Variants in LRMDA observed in about 807,000 individuals in gnomAD.
LRMDA encodes leucine rich melanocyte differentiation associated.
A neutral mutation model predicts 29.8 loss-of-function variants in LRMDA; 18 were observed. That is an observed-to-expected ratio of 0.60 (90% CI 0.42 to 0.90). The LOEUF (loss-of-function observed/expected upper bound fraction) is 0.90. Ranked by LOEUF, LRMDA falls within the 40% of genes least tolerant of loss-of-function variation. The pLI is 0.00. For missense variants in LRMDA, 273 were observed against 273.9 expected (o/e 1.00, Z 0.02); for synonymous variants, 125 against 109.4 (o/e 1.14, Z -0.89).
intron 2 of LRMDA, among the ~76,000 whole-genome samples, chr10:75,661,451 A>G (rs1340875413): frequency 6.6e-6 from 1 of 152,174 alleles, no homozygotes. Context: ...GGACTTGAGA[A>G]TCTACATCTC....
At chr10:76,394,641 T>C (rs1841761702) in intron 6 of LRMDA, among the ~76,000 whole-genome samples, 1 of 152,180 alleles carries the variant, frequency 6.6e-6, no homozygotes, top group African/African-American at 2.4e-5. Flanking sequence ...AATACTTGTC[T>C]ATGTGATCAA....
intron 2 of LRMDA, among the ~76,000 whole-genome samples, chr10:75,823,686 GT>G (rs1844202345): frequency 1.8e-4 from 1 of 5,506 alleles, no homozygotes; most frequent in African/African-American, 5.9e-4. Context: ...TTAAAATGTA[GT>G]GTGTGTGTGT....
At chr10:75,877,981 C>T (rs1375811372) in intron 2 of LRMDA, among the ~76,000 whole-genome samples, 3 of 152,160 alleles carry the variant, frequency 2.0e-5, no homozygotes, top group Admixed American at 6.5e-5. Flanking sequence ...TTCTTTGATG[C>T]CCTGCTGCTG....
intron 2 of LRMDA, among the ~76,000 whole-genome samples, chr10:75,599,176 C>T (rs745536513): frequency 2.6e-5 from 4 of 152,102 alleles, no homozygotes; most frequent in Non-Finnish European, 5.9e-5. Context: ...GCTAAAAAGT[C>T]TGCAGAGAGT....
At chr10:76,030,984 G>T (rs1173051048) in intron 2 of LRMDA, among the ~76,000 whole-genome samples, 1 of 152,196 alleles carries the variant, frequency 6.6e-6, no homozygotes, top group African/African-American at 2.4e-5. Flanking sequence ...GCTGCCGTGT[G>T]CCAGGCACTG....
intron 2 of LRMDA, among the ~76,000 whole-genome samples, chr10:75,668,260 G>T (rs1841847798): frequency 6.6e-6 from 1 of 152,184 alleles, no homozygotes; most frequent in Non-Finnish European, 1.5e-5. Context: ...CTTACTGTGG[G>T]CTGCATCTGT....
chr10:76,465,592 G>A (rs1380345692), intron 6 of LRMDA, among the ~76,000 whole-genome samples: 5 of 152,134 alleles, frequency 3.3e-5, no homozygotes, highest in East Asian at 3.8e-4. Flanking sequence ...TGTTTTGTAC[G>A]ACCACTCCTG....
chr10:75,710,047 T>C (rs1842417751), intron 2 of LRMDA, among the ~76,000 whole-genome samples: 1 of 152,246 alleles, frequency 6.6e-6, no homozygotes, highest in Non-Finnish European at 1.5e-5. Context: ...CAGAAGCTGC[T>C]TGTCACTTTG....
intron 5 of LRMDA, among the ~76,000 whole-genome samples, chr10:76,142,648 T>A (rs1443172457): frequency 6.6e-6 from 1 of 150,662 alleles, no homozygotes; most frequent in Non-Finnish European, 1.5e-5. Context: ...AGTGCAACAG[T>A]TTATTCTCCA....
At chr10:76,103,768 C>T (rs1036801081) in intron 5 of LRMDA, among the ~76,000 whole-genome samples, 5 of 152,050 alleles carry the variant, frequency 3.3e-5, no homozygotes, top group African/African-American at 4.8e-5. Flanking sequence ...TTAAAAATTC[C>T]GGCCAGACAT....
intron 2 of LRMDA, among the ~76,000 whole-genome samples, chr10:75,917,860 G>A (rs985056939): frequency 2.0e-5 from 3 of 152,092 alleles, no homozygotes; most frequent in African/African-American, 7.2e-5. Context: ...TACGTACCCC[G>A]CCTTGGTACT....
At chr10:75,959,086 A>G (rs1257373487) in intron 2 of LRMDA, among the ~76,000 whole-genome samples, 1 of 152,204 alleles carries the variant, frequency 6.6e-6, no homozygotes, top group Non-Finnish European at 1.5e-5. Flanking sequence ...CAGCCAAACC[A>G]TATCAGAGAG....
intron 5 of LRMDA, among the ~76,000 whole-genome samples, chr10:76,123,874 C>T (rs554530900): frequency 4.6e-5 from 7 of 152,180 alleles, no homozygotes; most frequent in Admixed American, 1.3e-4. Context: ...CAAATATTTG[C>T]AGAATGAATT....
At chr10:76,376,048 G>A (rs2132464564) in intron 6 of LRMDA, among the ~76,000 whole-genome samples, 1 of 151,902 alleles carries the variant, frequency 6.6e-6, no homozygotes, top group East Asian at 1.9e-4. Context: ...ATTATTACAT[G>A]GTTTTATTGA....
At chr10:76,107,747 TTTTTA>T (rs1296973405) in intron 5 of LRMDA, among the ~76,000 whole-genome samples, 1 of 152,212 alleles carries the variant, frequency 6.6e-6, no homozygotes, top group Non-Finnish European at 1.5e-5. Flanking sequence ...TAGACCTTTC[TTTTTA>T]TTTTATTTTA....
At chr10:75,802,187 G>A (rs563792711) in intron 2 of LRMDA, among the ~76,000 whole-genome samples, 5 of 152,248 alleles carry the variant, frequency 3.3e-5, no homozygotes, top group Admixed American at 2.6e-4. Context: ...ATATGGTGGC[G>A]TGTACCTGCG....
chr10:76,257,787 G>T (rs1852625374), intron 5 of LRMDA, among the ~76,000 whole-genome samples: 1 of 152,070 alleles, frequency 6.6e-6, no homozygotes, highest in Non-Finnish European at 1.5e-5. Context: ...TATATATAAG[G>T]TCACAGTCCT....
intron 2 of LRMDA, among the ~76,000 whole-genome samples, chr10:75,903,452 GCCATAAAA>G (rs1298848246): frequency 1.3e-5 from 2 of 152,206 alleles, no homozygotes; most frequent in African/African-American, 4.8e-5. Context: ...AAAGAAAGGA[GCCATAAAA>G]GCAAATAAAA....
chr10:76,043,007 G>A (rs1472983814), intron 3 of LRMDA, among the ~76,000 whole-genome samples: 1 of 152,094 alleles, frequency 6.6e-6, no homozygotes, highest in Non-Finnish European at 1.5e-5. Flanking sequence ...GGAGGCCGAG[G>A]CAGGTGGATC....
Sources: allele counts gnomAD v4.1 joint callset (sites outside exome capture counted in the v4.1 genomes callset), GRCh38; gene constraint gnomAD v4.1.1; transcripts MANE v1.5; gene names NCBI Gene and HGNC (gene_info 2026-07-23, HGNC 2026-07-21).